The following TRPM1 variants were observed in gnomAD, a reference collection of about 807,000 sequenced individuals.
TRPM1 encodes the protein TRPM1-203 APA Isoform, Intron 10.
In TRPM1, 113 loss-of-function variants were observed where a neutral mutation model predicts 149.4. The observed-to-expected ratio is 0.76, with a 90% CI of 0.65 to 0.88. The LOEUF is 0.88. Among genes scored for constraint, TRPM1 ranks in the 40% least tolerant of loss-of-function variants. The pLI, the probability that TRPM1 is intolerant of heterozygous loss-of-function variation, is 0.00. For synonymous variants in TRPM1, 741 were observed against 759.5 expected, an observed-to-expected ratio of 0.98 and a Z score of 0.40; for missense variants, 1,976 against 2,038.7, an observed-to-expected ratio of 0.97 and a Z score of 0.59.
intron 1 of TRPM1, among the ~76,000 whole-genome samples, chr15:31,110,161 C>T (rs952719633): frequency 1.3e-5 from 2 of 152,052 alleles, no homozygotes; most frequent in African/African-American, 4.8e-5. Context: ...CTACTACTAG[C>T]TTAGTACTAC....
At chr15:31,043,740 A>G (rs1458926536) in intron 16 of TRPM1, among the ~76,000 whole-genome samples, 1 of 152,222 alleles carries the variant, frequency 6.6e-6, no homozygotes, top group Non-Finnish European at 1.5e-5. Context: ...ATGACTAATG[A>G]AATGTTATAA....
rs185660142 is a variant in TRPM1, at chr15:31,052,911, C to T, written c.1264-2329G>A. ...GCACAAACGGAAAAATTATTAATAA[C>T]AAATCCGATGGACTTTATGAAAATT... On this transcript the variant is annotated intron_variant, in intron 11 of 27. Coordinates refer to ENST00000256552, the MANE Select transcript of TRPM1 (RefSeq NM_001252024.2). Among the ~76,000 whole-genome samples the T allele has an allele frequency of 1.5e-4, 23 of 152,266 alleles. No individual in the cohort carries two copies. In the East Asian group the frequency reaches 2.7e-3, roughly 18 times the overall value.
At chr15:31,042,971 T>A (rs181394676) in intron 16 of TRPM1, among the ~76,000 whole-genome samples, 1 of 152,254 alleles carries the variant, frequency 6.6e-6, no homozygotes, top group Non-Finnish European at 1.5e-5. Flanking sequence ...AGATGTTTGT[T>A]CTTTTGCAAA....
chr15:31,113,481 A>C (rs1187426919), intron 1 of TRPM1, among the ~76,000 whole-genome samples: 1 of 152,128 alleles, frequency 6.6e-6, no homozygotes, highest in South Asian at 2.1e-4. Flanking sequence ...AATGGGTCAA[A>C]CAATATCTTA....
intron 1 of TRPM1, among the ~76,000 whole-genome samples, chr15:31,128,914 G>A (rs563521358): frequency 1.3e-5 from 2 of 152,356 alleles, no homozygotes; most frequent in Non-Finnish European, 2.9e-5. Context: ...AAGCCCCCCC[G>A]CTCCGGCTTC....
Position 31,070,363 on chromosome 15 carries a change from A to C in TRPM1, c.84-137T>G, listed in dbSNP as rs2034506430. ...AACACTTCAGTAAGCCAGCGTTATT[A>C]GGGACAGAAATGCCCCATCTGATGG... On this transcript the variant is annotated intron_variant, in intron 3 of 27. Transcript: ENST00000256552. 3.6e-6 allele frequency: 3 copies of C among 831,856 alleles called. No individual in the cohort carries two copies. The Admixed American group carries it at 5.7e-5, about 16-fold the overall frequency. 51.5% of individuals were successfully genotyped at this position (831,856 alleles called of 1,614,324 possible).
intron 11 of TRPM1, among the ~76,000 whole-genome samples, chr15:31,052,013 A>C (rs2033960735): frequency 1.3e-5 from 2 of 152,138 alleles, no homozygotes; most frequent in South Asian, 4.1e-4. Flanking sequence ...TTAATGCTAA[A>C]TTTTGCTTAA....
intron 1 of TRPM1, among the ~76,000 whole-genome samples, chr15:31,156,718 G>T (rs1048628903): frequency 3.3e-5 from 5 of 152,122 alleles, no homozygotes; most frequent in African/African-American, 1.2e-4. Flanking sequence ...CCCAGTGCCT[G>T]GGCGCATGTT....
intron 1 of TRPM1, among the ~76,000 whole-genome samples, chr15:31,113,431 AGTT>A (rs1285869382): frequency 3.4e-5 from 3 of 89,358 alleles, no homozygotes; most frequent in Non-Finnish European, 7.4e-5. Flanking sequence ...CAGCTCTGAC[AGTT>A]TTTTTTTTTT....
rs747730309 is a variant in TRPM1, at chr15:31,001,908, C to T, written c.4792G>A (p.Val1598Ile). The T allele has an allele frequency of 6.2e-7, 1 of 1,613,988 alleles. No individual in the cohort carries two copies. Among genetic ancestry groups the T allele is most frequent in the Admixed American group, 1.7e-5 (1 of 60,006 alleles). The stretch of plus-strand genomic sequence containing the variant: ...CCAGACACAATTACTAAGCTGCTTA[C>T]ACTACTGGCATGTCCAGATCTGTCT... ...KLDRSGHASS[V>I]SSLVIVSGMT... Residue 1598 changes from valine (V) to isoleucine (I), a missense_variant, in exon 28 of 28, where the codon GTA becomes ATA. Coordinates refer to ENST00000256552, the MANE Select transcript of TRPM1 (RefSeq NM_001252024.2).
chr15:31,143,064 G>A (rs757481499), intron 1 of TRPM1, among the ~76,000 whole-genome samples: 5 of 152,202 alleles, frequency 3.3e-5, no homozygotes, highest in Non-Finnish European at 7.4e-5. Context: ...GTTGTCTGCA[G>A]TTAATTGCTT....
chr15:31,029,323 G>A, intron 24 of TRPM1, 48 bp downstream of exon 24: 1 of 1,594,728 alleles, frequency 6.3e-7, no homozygotes, highest in Non-Finnish European at 8.6e-7. Flanking sequence ...AAAGGTAATT[G>A]AAAAACACAT....
At chr15:31,151,049 C>T (rs1364154583) in intron 1 of TRPM1, among the ~76,000 whole-genome samples, 1 of 152,176 alleles carries the variant, frequency 6.6e-6, no homozygotes. Flanking sequence ...CATTCAACTG[C>T]AAAAACAGCA....
At chr15:31,018,331 G>A (rs35208656) in intron 27 of TRPM1, among the ~76,000 whole-genome samples, 50,112 of 151,746 alleles carry the variant, frequency 0.33, 8,658 homozygotes, top group South Asian at 0.37. Context: ...GATTACAGGC[G>A]TGAGCCACCA....
At chr15:31,026,358 A>AT in intron 26 of TRPM1, 87 bp from the exon 27 acceptor site, 1 of 1,519,180 alleles carries the variant, frequency 6.6e-7, no homozygotes, top group East Asian at 2.3e-5. Flanking sequence ...CCCCACTTTA[A>AT]TTAAGCTCTC....
intron 1 of TRPM1, among the ~76,000 whole-genome samples, chr15:31,089,076 C>T (rs761693029): frequency 9.9e-5 from 15 of 152,158 alleles, no homozygotes; most frequent in African/African-American, 3.6e-4. Flanking sequence ...CATTTAATGC[C>T]ATATTTTTAA....
chr15:31,111,895 AC>A (rs548952056), intron 1 of TRPM1, among the ~76,000 whole-genome samples: 13 of 151,782 alleles, frequency 8.6e-5, no homozygotes, highest in African/African-American at 2.2e-4. Flanking sequence ...CAAAGCACCC[AC>A]CCCCCCAAAA....
intron 16 of TRPM1, 21 bp downstream of exon 16, chr15:31,046,183 T>C (rs2140935313): frequency 6.2e-7 from 1 of 1,611,722 alleles, no homozygotes. Flanking sequence ...TATAAAACTG[T>C]TGAAAACAAG....
Position 31,042,089 on chromosome 15 carries a change from G to A in TRPM1, c.1949C>T (p.Ala650Val), listed in dbSNP as rs970822837. ...WAVLMKRQKM[A>V]VFLWQRGEES... ...TTCCCCTCGCTGCCAGAGGAACACTGCCATTTTCTGGCGTTTCATCAGCAC... is the reference window on the plus strand; with the variant it reads ...TTCCCCTCGCTGCCAGAGGAACACTACCATTTTCTGGCGTTTCATCAGCAC... Residue 650 changes from alanine (A) to valine (V), a missense_variant, in exon 17 of 28, where the codon GCA (alanine) becomes GTA (valine). Coordinates refer to ENST00000256552, the MANE Select transcript of TRPM1 (RefSeq NM_001252024.2). 6.2e-7 allele frequency: 1 copy of A among 1,614,198 alleles called. No homozygotes were observed. The highest frequency in any genetic ancestry group is 1.3e-5 in the African/African-American group (1 of 75,044).
Sources: allele counts gnomAD v4.1 joint callset (sites outside exome capture counted in the v4.1 genomes callset), GRCh38; gene constraint gnomAD v4.1.1; transcripts MANE v1.5; gene names NCBI Gene and HGNC (gene_info 2026-07-23, HGNC 2026-07-21).